TRNT1: variants seen among roughly 807,000 people sequenced by gnomAD.
TRNT1 encodes tRNA nucleotidyl transferase 1, also known as CCA tRNA nucleotidyltransferase 1, mitochondrial.
Under a neutral mutation model 45.6 loss-of-function variants are expected in TRNT1, and 44 were observed. The ratio of observed to expected loss-of-function variants is 0.97; its 90% CI spans 0.76 to 1.24. The LOEUF (loss-of-function observed/expected upper bound fraction) is 1.24, where lower values mean the gene tolerates loss of function less well. Ranked by LOEUF, TRNT1 falls within the 50% of genes most tolerant of loss-of-function variation. TRNT1 has a pLI of 0.00. For synonymous variants in TRNT1, 201 were observed against 171.4 expected (o/e 1.17, Z -1.35); for missense variants, 633 against 504.4 (o/e 1.25, Z -2.44).
downstream of TRNT1, among the ~76,000 whole-genome samples, chr3:3,152,273 A>C (rs1705800): frequency 0.92 from 139,337 of 151,822 alleles, 65,124 homozygotes; most frequent in East Asian, 1. Flanking sequence ...GTGCCTCAGC[A>C]TCCCGAGCAG....
chr3:3,129,699 A>G (rs1055939620), intron 2 of TRNT1, among the ~76,000 whole-genome samples: 1 of 152,234 alleles, frequency 6.6e-6, no homozygotes. Context: ...GCTTTTCTGT[A>G]TGCTGTGCTA....
At chr3:3,136,664 T>A in intron 2 of TRNT1, 1 of 435,344 alleles carries the variant, frequency 2.3e-6, no homozygotes, top group Non-Finnish European at 4.5e-6. Context: ...TTTTCTTTTT[T>A]TTTTTTTTGA....
At chr3:3,129,932 C>A in intron 2 of TRNT1, 2 of 1,550,614 alleles carry the variant, frequency 1.3e-6, no homozygotes, top group Non-Finnish European at 1.7e-6. Context: ...TAAATGCTTT[C>A]CATGAGAACT....
intron 1 of TRNT1, among the ~76,000 whole-genome samples, chr3:3,128,624 A>T (rs985688158): frequency 6.8e-5 from 10 of 147,818 alleles, no homozygotes; most frequent in African/African-American, 2.5e-4. Flanking sequence ...AAAAAAAAGA[A>T]TTCCTTTGTT....
At chr3:3,152,694 C>T (rs1706663535), downstream of TRNT1, 2 of 1,347,894 alleles carry the variant, frequency 1.5e-6, no homozygotes, top group South Asian at 1.2e-5. Flanking sequence ...ATGAGCTATA[C>T]AGTTTTTAAT....
At chr3:3,130,200 GCTAT>G (rs1431780756) in intron 2 of TRNT1, 4 of 507,284 alleles carry the variant, frequency 7.9e-6, no homozygotes, top group African/African-American at 1.9e-5. Context: ...TACAGCACTG[GCTAT>G]CTATTAGATT....
At chr3:3,152,516 T>C, downstream of TRNT1, 4 of 1,614,074 alleles carry the variant, frequency 2.5e-6, no homozygotes, top group Non-Finnish European at 2.5e-6. Context: ...GCAAGCCTTA[T>C]ACACAGTAAG....
chr3:3,137,731 A>G (rs1288675324), intron 3 of TRNT1, among the ~76,000 whole-genome samples: 1 of 152,100 alleles, frequency 6.6e-6, no homozygotes, highest in Non-Finnish European at 1.5e-5. Context: ...CCATAAGGGA[A>G]GATGATTTAG....
At chr3:3,135,412 T>C (rs1160098221) in intron 2 of TRNT1, among the ~76,000 whole-genome samples, 4 of 152,158 alleles carry the variant, frequency 2.6e-5, no homozygotes, top group Non-Finnish European at 4.4e-5. Flanking sequence ...GTAGCGTAAT[T>C]AACCTAGTGT....
chr3:3,132,448 C>T (rs1478071385), intron 2 of TRNT1, among the ~76,000 whole-genome samples: 2 of 38,716 alleles, frequency 5.2e-5, no homozygotes, highest in African/African-American at 8.0e-5. Flanking sequence ...AACCAAACAC[C>T]GCATATTCTC....
chr3:3,149,300 A>AAAAT (rs1487034543), downstream of TRNT1: 5 of 152,138 alleles, frequency 3.3e-5, no homozygotes, highest in African/African-American at 1.2e-4. Flanking sequence ...AAGTACTGCC[A>AAAAT]AAATACAGAT....
At chr3:3,128,790 G>C (rs1186996636) in intron 1 of TRNT1, among the ~76,000 whole-genome samples, 1 of 151,780 alleles carries the variant, frequency 6.6e-6, no homozygotes, top group African/African-American at 2.4e-5. Flanking sequence ...ATGGAGGCCT[G>C]CGCTAGTGAG....
intron 2 of TRNT1, among the ~76,000 whole-genome samples, chr3:3,133,280 G>A (rs969201653): frequency 6.6e-6 from 1 of 152,004 alleles, no homozygotes; most frequent in Non-Finnish European, 1.5e-5. Flanking sequence ...AGCTAGCTGT[G>A]GTAGCTCATG....
At chr3:3,140,462 G>C in intron 3 of TRNT1, 48 bp from the exon 4 acceptor site, 1 of 1,594,126 alleles carries the variant, frequency 6.3e-7, no homozygotes, top group Non-Finnish European at 8.6e-7. Context: ...TCAGTAGTAT[G>C]AAAACCTAAT....
At chr3:3,133,394 A>G (rs1485444341) in intron 2 of TRNT1, among the ~76,000 whole-genome samples, 1 of 151,962 alleles carries the variant, frequency 6.6e-6, no homozygotes, top group Admixed American at 6.6e-5. Context: ...TCTGTACAAA[A>G]ATAATAATAA....
rs1553550677 is a variant in TRNT1 at position 3,126,999 on chromosome 3, G to A, written c.-28+9G>A. On this transcript the variant is annotated intron_variant, in intron 1 of 7. Coordinates refer to ENST00000251607, the MANE Select transcript of TRNT1 (RefSeq NM_182916.3). ...CGGCAACAGCGGGGCCGGTAAGCGG[G>A]CGCGCGCCGCTCAGAGGGGCAGAGT... is the stretch of plus-strand genomic sequence containing the variant. 6.5e-6 allele frequency: 1 copy of A among 152,832 alleles called. No homozygotes were observed. Among genetic ancestry groups the A allele is most frequent in the Non-Finnish European group, 1.5e-5 (1 of 68,538 alleles). The allele number at this position is 152,832 out of a possible 1,614,324, so 9.5% of individuals were successfully genotyped here.
rs1467592278 is a variant in TRNT1, at chr3:3,146,633, A to C, written c.802+10A>C. On this transcript the variant is annotated intron_variant, in intron 6 of 7. Transcript: ENST00000251607. ...GTGGCTCCTTATATAGGTGAGAGCA[A>C]GTTATAAAGTGTTTGAATTTTTGGC... is the stretch of plus-strand genomic sequence containing the variant. 1 of 1,530,430 alleles carries C rather than the reference A, an allele frequency of 6.5e-7. No individual in the cohort carries two copies. Among genetic ancestry groups the C allele is most frequent in the Middle Eastern group, 1.8e-4 (1 of 5,708 alleles). 94.8% of individuals were successfully genotyped at this position (1,530,430 alleles called of 1,614,324 possible). A position where few individuals can be genotyped will look rare whatever the true frequency, so the allele number is the denominator to read the frequency against.
At chr3:3,140,675 G>T (rs751758165) in intron 4 of TRNT1, 27 bp downstream of exon 4, 2 of 1,609,054 alleles carry the variant, frequency 1.2e-6, no homozygotes, top group Non-Finnish European at 1.7e-6. Flanking sequence ...AAACCATATT[G>T]TGAGTCTATC....
At chr3:3,150,042 C>G (rs990512747), downstream of TRNT1, 1 of 152,134 alleles carries the variant, frequency 6.6e-6, no homozygotes, top group Non-Finnish European at 1.5e-5. Flanking sequence ...TACTTACTTA[C>G]AGATTTTCTT....
Sources: allele counts gnomAD v4.1 joint callset (sites outside exome capture counted in the v4.1 genomes callset), GRCh38; gene constraint gnomAD v4.1.1; transcripts MANE v1.5; gene names NCBI Gene and HGNC (gene_info 2026-07-23, HGNC 2026-07-21).